Variants in RBFOX1 observed in about 807,000 individuals in gnomAD.
RBFOX1 encodes RNA binding fox-1 homolog 1.
In RBFOX1, 8 loss-of-function variants were observed where a neutral mutation model predicts 57.7. That is an observed-to-expected ratio of 0.14 (90% confidence interval 0.08 to 0.25). RBFOX1 has a LOEUF of 0.25. Ranked by LOEUF, RBFOX1 falls within the 10% of genes least tolerant of loss-of-function variation. The pLI, the probability that RBFOX1 is intolerant of heterozygous loss-of-function variation, is 1.00. For missense variants in RBFOX1, 611 were observed against 548.5 expected, an observed-to-expected ratio of 1.11 and a Z score of -1.14; for synonymous variants, 326 against 222.4, an observed-to-expected ratio of 1.47 and a Z score of -4.15.
chr16:5,471,575 G>A (rs752388165), intron 2 of RBFOX1, among the ~76,000 whole-genome samples: 7 of 152,060 alleles, frequency 4.6e-5, no homozygotes, highest in African/African-American at 1.7e-4. Context: ...GCCCACCCCC[G>A]GAGAACCCTC....
intron 4 of RBFOX1, among the ~76,000 whole-genome samples, chr16:7,252,162 A>T (rs1014742090): frequency 2.0e-5 from 3 of 152,196 alleles, no homozygotes; most frequent in African/African-American, 7.2e-5. Context: ...GAGAACTCCT[A>T]TTTCTTACAT....
chr16:7,205,104 G>T (rs2089641576), intron 4 of RBFOX1, among the ~76,000 whole-genome samples: 1 of 152,102 alleles, frequency 6.6e-6, no homozygotes, highest in African/African-American at 2.4e-5. Context: ...CCTTTTATCT[G>T]ATTTTCTCCT....
At chr16:6,891,946 C>A (rs781083744) in intron 3 of RBFOX1, among the ~76,000 whole-genome samples, 20 of 152,150 alleles carry the variant, frequency 1.3e-4, no homozygotes, top group Non-Finnish European at 1.8e-4. Flanking sequence ...TGAGAAGGAG[C>A]TGTGGCTGGT....
chr16:6,391,893 T>A (rs1367379134), intron 2 of RBFOX1, among the ~76,000 whole-genome samples: 2 of 152,320 alleles, frequency 1.3e-5, no homozygotes, highest in Non-Finnish European at 2.9e-5. Flanking sequence ...AATAAATGCA[T>A]GAACAAAATG....
At chr16:5,814,187 C>T (rs1243290763) in intron 3 of RBFOX1, among the ~76,000 whole-genome samples, 1 of 152,170 alleles carries the variant, frequency 6.6e-6, no homozygotes, top group Non-Finnish European at 1.5e-5. Flanking sequence ...CTGCCCACAT[C>T]CCTTGGTCTG....
chr16:6,236,509 A>G (rs1344217632), intron 1 of RBFOX1, among the ~76,000 whole-genome samples: 1 of 151,024 alleles, frequency 6.6e-6, no homozygotes, highest in Non-Finnish European at 1.5e-5. Context: ...ATCTCGGCTC[A>G]CTGCAACCTC....
chr16:5,334,113 C>G (rs942777348), intron 1 of RBFOX1, among the ~76,000 whole-genome samples: 2 of 152,164 alleles, frequency 1.3e-5, no homozygotes, highest in African/African-American at 4.8e-5. Context: ...AGGGCGAGAG[C>G]TTATCACAGG....
chr16:6,021,648 A>C (rs764613930), intron 1 of RBFOX1, among the ~76,000 whole-genome samples: 1 of 152,290 alleles, frequency 6.6e-6, no homozygotes, highest in South Asian at 2.1e-4. Context: ...AAGAAAAGTC[A>C]TCATTCCTCG....
At chr16:6,813,725 C>G (rs1356314781) in intron 3 of RBFOX1, among the ~76,000 whole-genome samples, 2 of 152,172 alleles carry the variant, frequency 1.3e-5, no homozygotes, top group Admixed American at 6.5e-5. Context: ...TCTTCTCCCT[C>G]TGTCCCTAGT....
chr16:6,632,150 T>C (rs10163360), intron 2 of RBFOX1, among the ~76,000 whole-genome samples: 105,060 of 151,916 alleles, frequency 0.69, 36,926 homozygotes, highest in South Asian at 0.86. Flanking sequence ...ACTGCATCTC[T>C]GTGATCCTTC....
At chr16:5,501,254 G>T (rs2043184171) in intron 2 of RBFOX1, among the ~76,000 whole-genome samples, 1 of 143,054 alleles carries the variant, frequency 7.0e-6, no homozygotes, top group South Asian at 2.3e-4. Flanking sequence ...GGAGGCGGAG[G>T]TTGCAGTGAG....
chr16:6,687,992 C>T (rs1181052893), intron 3 of RBFOX1, among the ~76,000 whole-genome samples: 1 of 152,212 alleles, frequency 6.6e-6, no homozygotes, highest in African/African-American at 2.4e-5. Context: ...CTCTTGGAAA[C>T]ATCTTCTATG....
chr16:6,454,883 T>TG (rs1567313840), intron 2 of RBFOX1, among the ~76,000 whole-genome samples: 1 of 27,062 alleles, frequency 3.7e-5, no homozygotes, highest in Non-Finnish European at 8.1e-5. Context: ...TTTTTTTTTT[T>TG]TTTTTTTTTT....
At chr16:5,642,099 T>C (rs549390125) in intron 3 of RBFOX1, among the ~76,000 whole-genome samples, 57 of 152,286 alleles carry the variant, frequency 3.7e-4, no homozygotes, top group African/African-American at 1.3e-3. Context: ...ACTGAGGATC[T>C]CAAGCTGGGA....
chr16:5,535,891 T>C (rs2044674285), intron 2 of RBFOX1, among the ~76,000 whole-genome samples: 1 of 152,188 alleles, frequency 6.6e-6, no homozygotes. Flanking sequence ...AAGAGGGGCG[T>C]ACTGTAAGAG....
At chr16:6,566,799 A>G (rs1238315796) in intron 2 of RBFOX1, among the ~76,000 whole-genome samples, 2 of 152,262 alleles carry the variant, frequency 1.3e-5, no homozygotes, top group Non-Finnish European at 1.5e-5. Context: ...TTTAATAAAA[A>G]TTTCTATCAG....
chr16:6,546,530 C>A (rs1336885561), intron 2 of RBFOX1, among the ~76,000 whole-genome samples: 1 of 152,168 alleles, frequency 6.6e-6, no homozygotes, highest in Non-Finnish European at 1.5e-5. Flanking sequence ...CTCCATAGCA[C>A]CTCTGTCTGC....
intron 4 of RBFOX1, among the ~76,000 whole-genome samples, chr16:7,293,786 C>T (rs930665524): frequency 1.3e-5 from 2 of 152,034 alleles, no homozygotes; most frequent in African/African-American, 4.8e-5. Flanking sequence ...CGTATGATTC[C>T]TTACATCGTT....
At chr16:7,654,575 C>T (rs913312330) in intron 12 of RBFOX1, among the ~76,000 whole-genome samples, 3 of 152,110 alleles carry the variant, frequency 2.0e-5, no homozygotes, top group Admixed American at 6.5e-5. Flanking sequence ...CAATTTGGTC[C>T]TTCTCTGCAC....
Sources: allele counts gnomAD v4.1 joint callset (sites outside exome capture counted in the v4.1 genomes callset), GRCh38; gene constraint gnomAD v4.1.1; transcripts MANE v1.5; gene names NCBI Gene and HGNC (gene_info 2026-07-23, HGNC 2026-07-21).